Variants in CSTPP1 observed in about 807,000 individuals in gnomAD.
CSTPP1 encodes UPF0705 protein C11orf49.
At chr11:47,077,290 C>T in the CSTPP1 span, among the ~76,000 whole-genome samples, 1 of 151,786 alleles carries the variant, frequency 6.6e-6, no homozygotes, top group Non-Finnish European at 1.5e-5. Context: ...ACCTCCGCCT[C>T]CTGGGTTCAA....
At chr11:47,052,150 G>A in the CSTPP1 span, 1 of 373,068 alleles carries the variant, frequency 2.7e-6, no homozygotes, top group Non-Finnish European at 4.8e-6. Flanking sequence ...TCCTCTGTGT[G>A]TACCTGTGGA....
chr11:46,997,855 A>C, the CSTPP1 span, among the ~76,000 whole-genome samples: 2 of 152,220 alleles, frequency 1.3e-5, no homozygotes, highest in African/African-American at 4.8e-5. Flanking sequence ...GGGTATCACC[A>C]GCGGAGGCTG....
the CSTPP1 span, among the ~76,000 whole-genome samples, chr11:47,110,716 A>G: frequency 1.3e-5 from 2 of 152,178 alleles, no homozygotes; most frequent in African/African-American, 4.8e-5. Context: ...TTTAAAGCCC[A>G]GCCTGGGTAT....
chr11:47,090,806 G>C, the CSTPP1 span, among the ~76,000 whole-genome samples: 1 of 150,104 alleles, frequency 6.7e-6, no homozygotes, highest in Non-Finnish European at 1.5e-5. Flanking sequence ...TTGGGAGGCC[G>C]AGGTGGGCGG....
the CSTPP1 span, among the ~76,000 whole-genome samples, chr11:47,015,538 A>G: frequency 2.0e-5 from 3 of 151,970 alleles, no homozygotes; most frequent in African/African-American, 7.2e-5. Context: ...CAGAAACTCC[A>G]GGCCCAGGTG....
the CSTPP1 span, among the ~76,000 whole-genome samples, chr11:46,947,017 G>A: frequency 6.6e-6 from 1 of 152,174 alleles, no homozygotes; most frequent in Non-Finnish European, 1.5e-5. Context: ...CCCCTTCCAT[G>A]AATGAAAAAG....
chr11:47,061,062 A>G, the CSTPP1 span, among the ~76,000 whole-genome samples: 1 of 152,314 alleles, frequency 6.6e-6, no homozygotes, highest in South Asian at 2.1e-4. Flanking sequence ...AAGTATGGCC[A>G]GTTTTATCCC....
the CSTPP1 span, among the ~76,000 whole-genome samples, chr11:46,945,406 G>A: frequency 6.6e-6 from 1 of 152,156 alleles, no homozygotes; most frequent in Non-Finnish European, 1.5e-5. Context: ...CTTGAGGTCA[G>A]GAGTTCGAGA....
the CSTPP1 span, among the ~76,000 whole-genome samples, chr11:47,045,912 G>A: frequency 6.0e-4 from 91 of 151,672 alleles, no homozygotes; most frequent in African/African-American, 2.1e-3. Flanking sequence ...TCAGCCTCCC[G>A]AGTAGCTGGG....
chr11:47,086,976 T>C, the CSTPP1 span, among the ~76,000 whole-genome samples: 3 of 152,292 alleles, frequency 2.0e-5, no homozygotes, highest in Admixed American at 6.5e-5. Flanking sequence ...TTTAGCTAAA[T>C]TGGATTTCTA....
the CSTPP1 span, among the ~76,000 whole-genome samples, chr11:46,989,742 G>A: frequency 6.6e-6 from 1 of 152,144 alleles, no homozygotes; most frequent in East Asian, 1.9e-4. Context: ...TGGGTACATT[G>A]CACCCAGGTA....
chr11:47,009,293 T>A, the CSTPP1 span, among the ~76,000 whole-genome samples: 1 of 152,164 alleles, frequency 6.6e-6, no homozygotes, highest in African/African-American at 2.4e-5. Context: ...CTACTCTACT[T>A]TTATTGGAGG....
the CSTPP1 span, among the ~76,000 whole-genome samples, chr11:47,102,676 T>G: frequency 6.6e-6 from 1 of 152,336 alleles, no homozygotes; most frequent in South Asian, 2.1e-4. Context: ...AACTGTCAAT[T>G]ACTCTTTCAG....
At chr11:46,998,551 A>G in the CSTPP1 span, among the ~76,000 whole-genome samples, 3 of 152,214 alleles carry the variant, frequency 2.0e-5, no homozygotes, top group African/African-American at 7.2e-5. Context: ...AACCAGCTCC[A>G]GAAACTTTTG....
chr11:47,063,221 CT>C, the CSTPP1 span, among the ~76,000 whole-genome samples: 2 of 151,942 alleles, frequency 1.3e-5, no homozygotes. Context: ...GAAACTAGGT[CT>C]TAAATATATA....
the CSTPP1 span, among the ~76,000 whole-genome samples, chr11:47,134,355 T>G: frequency 2.0e-5 from 3 of 152,074 alleles, no homozygotes; most frequent in Non-Finnish European, 4.4e-5. Context: ...CATGCTTGGA[T>G]AATTTTTGTA....
At chr11:46,955,502 C>G in the CSTPP1 span, among the ~76,000 whole-genome samples, 1 of 151,614 alleles carries the variant, frequency 6.6e-6, no homozygotes, top group Non-Finnish European at 1.5e-5. Flanking sequence ...TAGCCGGGAC[C>G]ACAGGTATGC....
chr11:47,083,393 G>A, the CSTPP1 span, among the ~76,000 whole-genome samples: 1 of 152,162 alleles, frequency 6.6e-6, no homozygotes, highest in Non-Finnish European at 1.5e-5. Flanking sequence ...TGGCTATCAT[G>A]AATAATGCTG....
the CSTPP1 span, chr11:47,161,634 C>CTT: frequency 6.2e-7 from 1 of 1,611,164 alleles, no homozygotes; most frequent in Non-Finnish European, 8.5e-7. Context: ...GAGTCGGAGA[C>CTT]TTGAGGAGTC....
Sources: gnomAD v4.1 joint callset for allele counts (sites outside exome capture counted in the v4.1 genomes callset) on GRCh38, gnomAD v4.1.1 for gene constraint, MANE v1.5 for transcripts, NCBI Gene and HGNC (gene_info 2026-07-23, HGNC 2026-07-21) for gene names.